The following FRMPD4 variants were observed in gnomAD, a reference collection of about 807,000 sequenced individuals.
The protein encoded by FRMPD4 is FERM and PDZ domain-containing protein 4.
Under a neutral mutation model 94.1 loss-of-function variants are expected in FRMPD4, and 22 were observed. The ratio of observed to expected loss-of-function variants is 0.23; its 90% confidence interval spans 0.17 to 0.33. The LOEUF (loss-of-function observed/expected upper bound fraction) is 0.33, where lower values mean the gene tolerates loss of function less well. Ranked by LOEUF, FRMPD4 falls within the 10% of genes least tolerant of loss-of-function variation. The probability of loss-of-function intolerance (pLI) is 1.00; values close to 1 mark genes in which losing one functional copy is unlikely to be tolerated. For synonymous variants in FRMPD4, 631 were observed against 548.6 expected, an observed-to-expected ratio of 1.15 and a Z score of -2.10; for missense variants, 1,111 against 1,339.9, an observed-to-expected ratio of 0.83 and a Z score of 2.67.
At chrX:12,188,500 G>A (rs1408601796) in intron 1 of FRMPD4, among the ~76,000 whole-genome samples, 1 of 111,952 alleles carries the variant, frequency 8.9e-6, no homozygotes, top group Non-Finnish European at 1.9e-5. Flanking sequence ...TCAGTATCCT[G>A]TAAGGATTTC....
chrX:12,712,844 G>A (rs1037174521), intron 14 of FRMPD4, among the ~76,000 whole-genome samples: 7 of 111,222 alleles, frequency 6.3e-5, no homozygotes, highest in Non-Finnish European at 1.3e-4. Flanking sequence ...GGGAGTCCGA[G>A]GCGGGTGGAT....
chrX:11,973,395 A>G (rs981092254), intron 3 of FRMPD4, among the ~76,000 whole-genome samples: 1 of 111,980 alleles, frequency 8.9e-6, no homozygotes, highest in Non-Finnish European at 1.9e-5. Flanking sequence ...ATCTCCAGGT[A>G]TCTGTAGATC....
At chrX:12,506,487 C>T (rs1259287182) in intron 2 of FRMPD4, among the ~76,000 whole-genome samples, 1 of 111,314 alleles carries the variant, frequency 9.0e-6, no homozygotes, top group African/African-American at 3.3e-5. Context: ...TGGGGTTTCA[C>T]CATGTTGGCC....
At chrX:12,499,265 T>C (rs1214597083) in intron 2 of FRMPD4, among the ~76,000 whole-genome samples, 1 of 112,484 alleles carries the variant, frequency 8.9e-6, no homozygotes, top group Admixed American at 9.4e-5. Context: ...ATTTGTTTTA[T>C]TGTAAATTTC....
chrX:12,145,887 C>A lies in FRMPD4; in HGVS notation c.41+6875C>A, dbSNP rs772544174. ...CCTGAACACAGTCACCCTTGCCAGC[C>A]CCGCTCTGGGGGACTTAAACTGTCA... On this transcript the variant is annotated intron_variant, in intron 1 of 16. Coordinates refer to ENST00000675598, the MANE Select transcript of FRMPD4 (RefSeq NM_001368397.1). Among the ~76,000 whole-genome samples, 13 of 112,027 alleles carry A rather than the reference C, an allele frequency of 1.2e-4. No individual in the cohort carries two copies. In the East Asian group the frequency reaches 2.8e-3, roughly 24 times the overall value.
chrX:12,276,231 G>A (rs1001191753), intron 1 of FRMPD4, among the ~76,000 whole-genome samples: 2 of 112,460 alleles, frequency 1.8e-5, no homozygotes, highest in African/African-American at 3.2e-5. Context: ...GTCAAACTCT[G>A]TAAAATATTT....
chrX:12,351,715 G>C (rs1033740968), intron 1 of FRMPD4, among the ~76,000 whole-genome samples: 2 of 112,462 alleles, frequency 1.8e-5, no homozygotes, highest in African/African-American at 6.5e-5. Context: ...TCACAGATTA[G>C]TGTTACCTTT....
intron 3 of FRMPD4, among the ~76,000 whole-genome samples, chrX:12,067,927 A>G (rs774198995): frequency 1.3e-4 from 14 of 111,673 alleles, no homozygotes; most frequent in Non-Finnish European, 2.6e-4. Flanking sequence ...TCATATGCCA[A>G]AGGGAATCTG....
At chrX:12,482,371 A>G (rs1396365166) in intron 1 of FRMPD4, among the ~76,000 whole-genome samples, 2 of 112,545 alleles carry the variant, frequency 1.8e-5, no homozygotes, top group Non-Finnish European at 3.8e-5. Context: ...TAACCTCCAC[A>G]TTAACTGTGG....
intron 1 of FRMPD4, among the ~76,000 whole-genome samples, chrX:12,278,576 G>T (rs745489378): frequency 8.9e-6 from 1 of 112,616 alleles, no homozygotes; most frequent in Non-Finnish European, 1.9e-5. Context: ...TAGCAAGTGA[G>T]AGGGAAGGGC....
chrX:12,051,008 A>G (rs986773023), intron 3 of FRMPD4, among the ~76,000 whole-genome samples: 22 of 111,796 alleles, frequency 2.0e-4, no homozygotes, highest in African/African-American at 7.1e-4. Flanking sequence ...CCAGAGCTCC[A>G]TGTATTAATA....
intron 1 of FRMPD4, among the ~76,000 whole-genome samples, chrX:12,312,876 A>G (rs1485208053): frequency 9.0e-6 from 1 of 111,340 alleles, no homozygotes; most frequent in Non-Finnish European, 1.9e-5. Flanking sequence ...TGGGGTCAAG[A>G]AACCATCAGT....
At chrX:12,469,833 GC>G (rs1213352942) in intron 1 of FRMPD4, among the ~76,000 whole-genome samples, 3 of 112,171 alleles carry the variant, frequency 2.7e-5, no homozygotes, top group Non-Finnish European at 3.8e-5. Flanking sequence ...AAATATGAAG[GC>G]ATCTATTAGG....
At chrX:12,274,923 G>A (rs756876094) in intron 1 of FRMPD4, among the ~76,000 whole-genome samples, 1 of 112,031 alleles carries the variant, frequency 8.9e-6, no homozygotes, top group African/African-American at 3.2e-5. Context: ...GCAGGAGAAT[G>A]GCGTGAACCC....
intron 1 of FRMPD4, among the ~76,000 whole-genome samples, chrX:12,418,843 C>A (rs916420931): frequency 2.7e-5 from 3 of 111,665 alleles, no homozygotes; most frequent in Non-Finnish European, 5.6e-5. Context: ...GCCACCATTT[C>A]TTCAGCTTTT....
chrX:12,219,152 C>T (rs148840470), intron 1 of FRMPD4, among the ~76,000 whole-genome samples: 16 of 111,656 alleles, frequency 1.4e-4, no homozygotes, highest in African/African-American at 4.6e-4. Flanking sequence ...GAGGTTCACC[C>T]GATCTCAGGA....
intron 3 of FRMPD4, among the ~76,000 whole-genome samples, chrX:12,100,957 G>A (rs2055250798): frequency 8.9e-6 from 1 of 112,211 alleles, no homozygotes; most frequent in Non-Finnish European, 1.9e-5. Flanking sequence ...TATTATTTCA[G>A]GACATATCTC....
intron 3 of FRMPD4, among the ~76,000 whole-genome samples, chrX:11,926,853 G>A (rs753852682): frequency 2.2e-4 from 24 of 111,284 alleles, no homozygotes; most frequent in Non-Finnish European, 3.2e-4. Context: ...CAAGGATGCC[G>A]TCTCTCACCA....
chrX:12,576,766 T>C (rs1299298633), intron 2 of FRMPD4, among the ~76,000 whole-genome samples: 1 of 112,350 alleles, frequency 8.9e-6, no homozygotes, highest in Non-Finnish European at 1.9e-5. Context: ...TTAGAAATTA[T>C]CTTTAGCACA....
Sources: gnomAD v4.1 joint callset for allele counts (sites outside exome capture counted in the v4.1 genomes callset) on GRCh38, gnomAD v4.1.1 for gene constraint, MANE v1.5 for transcripts, NCBI Gene and HGNC (gene_info 2026-07-23, HGNC 2026-07-21) for gene names.